ATP11C: variants seen among roughly 807,000 people sequenced by gnomAD.
ATP11C encodes phospholipid-transporting ATPase IG.
A neutral mutation model predicts 97.4 loss-of-function variants in ATP11C; 36 were observed. The observed-to-expected ratio is 0.37, with a 90% CI of 0.28 to 0.49. The LOEUF is 0.49. Ranked by LOEUF, ATP11C falls within the 20% of genes least tolerant of loss-of-function variation. ATP11C has a pLI of 0.98. For missense variants in ATP11C, 730 were observed against 824.6 expected, an observed-to-expected ratio of 0.89 and a Z score of 1.40; for synonymous variants, 275 against 290.9, an observed-to-expected ratio of 0.95 and a Z score of 0.56.
chrX:139,762,350 A>T (rs747309327), intron 21 of ATP11C, among the ~76,000 whole-genome samples: 1 of 112,298 alleles, frequency 8.9e-6, no homozygotes, highest in East Asian at 2.8e-4. Flanking sequence ...TCATTATTTC[A>T]ATCATTACAA....
intron 26 of ATP11C, among the ~76,000 whole-genome samples, chrX:139,742,298 C>A (rs747290481): frequency 9.0e-6 from 1 of 111,671 alleles, no homozygotes; most frequent in Admixed American, 9.5e-5. Flanking sequence ...ACTTCTATCT[C>A]GATTTTATAG....
chrX:139,779,928 A>G (rs2082417658), intron 18 of ATP11C, among the ~76,000 whole-genome samples: 1 of 112,095 alleles, frequency 8.9e-6, no homozygotes, highest in Non-Finnish European at 1.9e-5. Flanking sequence ...TATTATGAAC[A>G]TATCTACGAG....
intron 1 of ATP11C, among the ~76,000 whole-genome samples, chrX:139,903,210 T>C (rs2084924205): frequency 8.9e-6 from 1 of 111,773 alleles, no homozygotes; most frequent in South Asian, 3.8e-4. Context: ...GCCTGTGGTA[T>C]TATGGTATAT....
rs1603421335 is a variant in ATP11C, at chrX:139,932,376, G to C, written c.-334C>G. On this transcript the variant is annotated 5_prime_UTR_variant, in exon 1 of 30. Coordinates refer to ENST00000682941, the MANE Select transcript of ATP11C (RefSeq NM_001353812.2). ...CTGAGAAGGCGAGCCCGCCGCGCGGGGGAAGGATGGCGGAGGAGCGCGAGG... is the reference window on the plus strand; with the variant it reads ...CTGAGAAGGCGAGCCCGCCGCGCGGCGGAAGGATGGCGGAGGAGCGCGAGG... The C allele has an allele frequency of 9.1e-6, 1 of 109,778 alleles. No individual in the cohort carries two copies. The highest frequency in any genetic ancestry group is 3.3e-5 in the African/African-American group (1 of 30,498). 9.0% of individuals were successfully genotyped at this position (109,778 alleles called of 1,213,427 possible). A position where few individuals can be genotyped will look rare whatever the true frequency, so the allele number is the denominator to read the frequency against.
At position 139,738,082 on chromosome X, in the gene ATP11C, G is replaced by A. The variant is rs1282872939; in HGVS notation, c.3135-13C>T. 3 of 1,160,698 alleles carry A rather than the reference G, an allele frequency of 2.6e-6. No individual in the cohort carries two copies. Among genetic ancestry groups the A allele is most frequent in the Non-Finnish European group, 3.5e-6 (3 of 867,430 alleles). On this transcript the variant is annotated splice_polypyrimidine_tract_variant and intron_variant, in intron 27 of 29. Transcript: ENST00000682941. ...CTTGAGAAAAGGCCTGCAGTGGAAA[G>A]AAAATACATGATGGAAAAACAAATC...
chrX:139,797,113 A>G, intron 11 of ATP11C, 63 bp downstream of exon 11: 3 of 1,076,305 alleles, frequency 2.8e-6, no homozygotes, highest in Non-Finnish European at 3.8e-6. Context: ...CCTGAGCAGC[A>G]TTTCAGTGAA....
chrX:139,803,396 TAAAC>T (rs769910978), intron 6 of ATP11C, among the ~76,000 whole-genome samples: 7 of 111,079 alleles, frequency 6.3e-5, no homozygotes, highest in Admixed American at 1.9e-4. Flanking sequence ...CCAGATGGAA[TAAAC>T]AAACAGAGGA....
At chrX:139,866,512 G>A (rs1224225106) in intron 1 of ATP11C, among the ~76,000 whole-genome samples, 2 of 109,351 alleles carry the variant, frequency 1.8e-5, no homozygotes, top group East Asian at 5.8e-4. Flanking sequence ...GAGTTCAGGA[G>A]TCTGAGACCA....
At chrX:139,908,521 A>ATAGT (rs774100595) in intron 1 of ATP11C, among the ~76,000 whole-genome samples, 2 of 112,493 alleles carry the variant, frequency 1.8e-5, no homozygotes, top group South Asian at 7.3e-4. Context: ...TGCCTAGCAT[A>ATAGT]TAGTGCCTAG....
chrX:139,732,586 CAAAAA>C (rs58514331), intron 28 of ATP11C: 6 of 119,600 alleles, frequency 5.0e-5, no homozygotes, highest in East Asian at 2.0e-4. Context: ...ATGCAGAAAC[CAAAAA>C]AAAAAAAAAA....
chrX:139,842,867 A>G (rs2083856253), intron 1 of ATP11C, among the ~76,000 whole-genome samples: 1 of 112,083 alleles, frequency 8.9e-6, no homozygotes, highest in Admixed American at 9.5e-5. Flanking sequence ...GCTTGGTTTC[A>G]GAGCTACTCT....
chrX:139,924,253 T>C, intron 1 of ATP11C: 2 of 380,868 alleles, frequency 5.3e-6, no homozygotes, highest in Non-Finnish European at 1.1e-5. Context: ...GGCAGGCTGC[T>C]CTTCTGCTTC....
intron 1 of ATP11C, among the ~76,000 whole-genome samples, chrX:139,868,726 CA>C (rs565000787): frequency 2.8e-3 from 212 of 76,245 alleles, no homozygotes; most frequent in Non-Finnish European, 3.7e-3. Flanking sequence ...GACTCCGTCT[CA>C]AAAAAAAAAA....
At chrX:139,847,554 T>A (rs941914220) in intron 1 of ATP11C, among the ~76,000 whole-genome samples, 3 of 110,090 alleles carry the variant, frequency 2.7e-5, no homozygotes, top group African/African-American at 1.0e-4. Flanking sequence ...AATCAAAAAA[T>A]TAGCTGGATG....
At chrX:139,772,412 G>A (rs917893602) in intron 19 of ATP11C, among the ~76,000 whole-genome samples, 9 of 111,841 alleles carry the variant, frequency 8.0e-5, no homozygotes, top group African/African-American at 2.9e-4. Flanking sequence ...TCCCTACTGG[G>A]GCACTGATTA....
At chrX:139,886,719 T>C (rs1445960328) in intron 1 of ATP11C, among the ~76,000 whole-genome samples, 1 of 111,130 alleles carries the variant, frequency 9.0e-6, no homozygotes, top group East Asian at 2.8e-4. Context: ...AATCAAAGAC[T>C]TCCTTGCAGA....
chrX:139,819,442 GA>G lies in ATP11C; in HGVS notation c.148-16del. ...CAAAGTGTATACTGTAAGGGAGGAA[GA>G]AAAAAGAACACTGTTATGAAGAAAA... is the stretch of plus-strand genomic sequence containing the variant. On this transcript the variant is annotated splice_polypyrimidine_tract_variant and intron_variant, in intron 2 of 29. Transcript: ENST00000682941. The G allele has an allele frequency of 2.2e-6, 2 of 898,292 alleles. No homozygotes were observed. Among genetic ancestry groups the G allele is most frequent in the Non-Finnish European group, 3.1e-6 (2 of 650,784 alleles). 74.0% of individuals were successfully genotyped at this position (898,292 alleles called of 1,213,427 possible). A position where few individuals can be genotyped will look rare whatever the true frequency, so the allele number is the denominator to read the frequency against.
chrX:139,737,323 A>C (rs1488092016), intron 28 of ATP11C, among the ~76,000 whole-genome samples: 2 of 111,687 alleles, frequency 1.8e-5, no homozygotes, highest in Non-Finnish European at 3.8e-5. Context: ...ACAATTTAAT[A>C]GGAAAAATAA....
intron 1 of ATP11C, among the ~76,000 whole-genome samples, chrX:139,860,780 T>C (rs949927235): frequency 1.8e-5 from 2 of 112,112 alleles, no homozygotes; most frequent in African/African-American, 6.5e-5. Context: ...ATCACACCAC[T>C]GCACTCCAGT....
Sources: gnomAD v4.1 joint callset for allele counts (sites outside exome capture counted in the v4.1 genomes callset) on GRCh38, gnomAD v4.1.1 for gene constraint, MANE v1.5 for transcripts, NCBI Gene and HGNC (gene_info 2026-07-23, HGNC 2026-07-21) for gene names.